ANGPTL4: variants seen among roughly 807,000 people sequenced by gnomAD.
ANGPTL4 encodes the protein angiopoietin like 4, also known as angiopoietin-related protein 4.
Under a neutral mutation model 39.2 loss-of-function variants are expected in ANGPTL4, and 39 were observed. The observed-to-expected ratio is 1.00, with a 90% confidence interval of 0.77 to 1.30. ANGPTL4 has a LOEUF of 1.30. Among genes scored for constraint, ANGPTL4 ranks in the 50% most tolerant of loss-of-function variants. The pLI, the probability that ANGPTL4 is intolerant of heterozygous loss-of-function variation, is 0.00. For synonymous variants in ANGPTL4, 233 were observed against 229.5 expected, an observed-to-expected ratio of 1.02 and a Z score of -0.14; for missense variants, 545 against 549.8, an observed-to-expected ratio of 0.99 and a Z score of 0.09.
At position 8,366,211 on chromosome 19, in the gene ANGPTL4, C is replaced by G. The variant is rs762399326; in HGVS notation, c.439C>G (p.Leu147Val). 1.2e-5 allele frequency: 19 copies of G among 1,614,048 alleles called. No homozygotes were observed. In the East Asian group the frequency reaches 4.2e-4, roughly 36 times the overall value. The change falls in exon 3 of 7, where the codon CTG (leucine) becomes GTG (valine). Residue 147 changes from leucine to valine, a missense_variant. Coordinates refer to ENST00000301455, the MANE Select transcript of ANGPTL4 (RefSeq NM_139314.3). Reference protein sequence around the residue: ...IQHLQSQFGLLDHKHLDHEVA... With the variant: ...IQHLQSQFGLVDHKHLDHEVA... ...TCCCGTCCCATCCTAGTTTGGCCTC[C>G]TGGACCACAAGCACCTAGACCATGA... is the stretch of plus-strand genomic sequence containing the variant.
chr19:8,373,119 A>G (rs1424252689), intron 6 of ANGPTL4, among the ~76,000 whole-genome samples: 1 of 152,058 alleles, frequency 6.6e-6, no homozygotes, highest in African/African-American at 2.4e-5. Context: ...AAATACAAAA[A>G]TTAGGCCAGG....
rs1970961883 is a variant in ANGPTL4 at position 8,364,604 on chromosome 19, A to T, written c.283A>T (p.Ser95Cys). ...CACCGACCTCCCGTTAGCCCCTGAG[A>T]GCCGGGTGGACCCTGAGGTCCTTCA... ...GSTDLPLAPE[S>C]RVDPEVLHSL... Residue 95 changes from serine to cysteine, a missense_variant, in exon 1 of 7, where the codon AGC becomes TGC. Physicochemically the swap from Ser to Cys is moderately radical, Grantham distance 112. Coordinates refer to ENST00000301455, the MANE Select transcript of ANGPTL4 (RefSeq NM_139314.3). 3 of 1,592,874 alleles carry T rather than the reference A, an allele frequency of 1.9e-6. No individual in the cohort carries two copies. Among genetic ancestry groups the T allele is most frequent in the Non-Finnish European group, 2.6e-6 (3 of 1,170,856 alleles).
rs1360464316 is a variant in ANGPTL4 at position 8,372,000 on chromosome 19, T to G, written c.1039+478T>G. ...GTCTCGATCTCCTGACCTCGTGATC[T>G]GCCTGCCTCAGCCTCCCAAAGTGCT... is the stretch of plus-strand genomic sequence containing the variant. On this transcript the variant is annotated intron_variant, in intron 6 of 6. Transcript: ENST00000301455. This position sits in a 1 kb window ranked among gnomAD's most constrained non-coding sequence, Gnocchi z 5.1. Among the ~76,000 whole-genome samples the G allele has an allele frequency of 6.6e-6, 1 of 152,034 alleles. No homozygotes were observed. The highest frequency in any genetic ancestry group is 2.4e-5 in the African/African-American group (1 of 41,396).
chr19:8,371,097 G>A lies in ANGPTL4; in HGVS notation c.703G>A (p.Val235Met), dbSNP rs866158597. 3.7e-6 allele frequency: 6 copies of A among 1,610,046 alleles called. No homozygotes were observed. The African/African-American group carries it at 5.3e-5, about 14-fold the overall frequency. ...TVIQRRHDGS[V>M]DFNRPWEAYK... Reference sequence around the variant, plus strand: ...AATTCAGAGGCGCCACGATGGCTCAGTGGACTTCAACCGGCCCTGGGAAGC... The same window carrying A: ...AATTCAGAGGCGCCACGATGGCTCAATGGACTTCAACCGGCCCTGGGAAGC... The change falls in exon 5 of 7, where the codon GTG (valine) becomes ATG (methionine). Residue 235 changes from valine to methionine, a missense_variant. By Grantham distance (21) the Val-to-Met change is conservative. Transcript: ENST00000301455. This position sits in a 1 kb window ranked among gnomAD's most constrained non-coding sequence, Gnocchi z 5.1.
chr19:8,367,364 G>A (rs1019370091), intron 3 of ANGPTL4, among the ~76,000 whole-genome samples: 2 of 152,166 alleles, frequency 1.3e-5, no homozygotes, highest in African/African-American at 2.4e-5. Flanking sequence ...CTGTGGGTTC[G>A]GGACTCCCAG....
chr19:8,368,018 T>G (rs1971040722), intron 3 of ANGPTL4, among the ~76,000 whole-genome samples: 1 of 127,162 alleles, frequency 7.9e-6, no homozygotes. Flanking sequence ...TATTCATTTA[T>G]CAAGTCTTTT....
At position 8,373,988 on chromosome 19, in the gene ANGPTL4, G is replaced by C; in HGVS notation, c.*102G>C. 1 of 1,345,068 alleles carries C rather than the reference G, an allele frequency of 7.4e-7. No individual in the cohort carries two copies. Among genetic ancestry groups the C allele is most frequent in the South Asian group, 1.2e-5 (1 of 84,212 alleles). 83.3% of individuals were successfully genotyped at this position (1,345,068 alleles called of 1,614,324 possible). On this transcript the variant is annotated 3_prime_UTR_variant, in exon 7 of 7. Coordinates refer to ENST00000301455, the MANE Select transcript of ANGPTL4 (RefSeq NM_139314.3). ...GCCTGGGCAGGGGCTCCAAGGAGGG[G>C]CCATCTGGAAACTTGTGGACAGAGA...
intron 4 of ANGPTL4, among the ~76,000 whole-genome samples, chr19:8,370,015 C>A (rs1971083126): frequency 6.6e-6 from 1 of 151,712 alleles, no homozygotes; most frequent in South Asian, 2.1e-4. Flanking sequence ...CCAGCCTGAC[C>A]AACATGGTGA....
rs1447049510 is a variant in ANGPTL4, at chr19:8,374,008, C to A, written c.*122C>A. The A allele has an allele frequency of 8.7e-7, 1 of 1,149,674 alleles. No homozygotes were observed. Among genetic ancestry groups the A allele is most frequent in the Non-Finnish European group, 1.3e-6 (1 of 787,012 alleles). 71.2% of individuals were successfully genotyped at this position (1,149,674 alleles called of 1,614,324 possible). A position where few individuals can be genotyped will look rare whatever the true frequency, so the allele number is the denominator to read the frequency against. On this transcript the variant is annotated 3_prime_UTR_variant, in exon 7 of 7. Coordinates refer to ENST00000301455, the MANE Select transcript of ANGPTL4 (RefSeq NM_139314.3). ...GAGGGGCCATCTGGAAACTTGTGGA[C>A]AGAGAAGAAGACCACGACTGGAGAA...
In ANGPTL4 at chr19:8,371,443, C is replaced by A; in HGVS notation, c.960C>A (p.Ser320Arg). 3 of 1,613,392 alleles carry A rather than the reference C, an allele frequency of 1.9e-6. No individual in the cohort carries two copies. Among genetic ancestry groups the A allele is most frequent in the East Asian group, 2.2e-5 (1 of 44,866 alleles). The change falls in exon 6 of 7, where the codon AGC (serine) becomes AGA (arginine). Residue 320 changes from serine to arginine, a missense_variant. Coordinates refer to ENST00000301455, the MANE Select transcript of ANGPTL4 (RefSeq NM_139314.3). This position sits in a 1 kb window ranked among gnomAD's most constrained non-coding sequence, Gnocchi z 5.1. ...GQLGATTVPP[S>R]GLSVPFSTWD... ...TGGGCGCCACCACCGTCCCACCCAG[C>A]GGCCTCTCCGTACCCTTCTCCACTT...
In ANGPTL4 at chr19:8,371,364, G is replaced by A; in HGVS notation, c.881G>A (p.Gly294Asp). ...TTGCTGCAGTTCTCCGTGCACCTGGGTGGCGAGGACACGGCCTATAGCCTG... is the reference window on the plus strand; with the variant it reads ...TTGCTGCAGTTCTCCGTGCACCTGGATGGCGAGGACACGGCCTATAGCCTG... ...AELLQFSVHLGGEDTAYSLQL... is the reference protein window; with the variant it reads ...AELLQFSVHLDGEDTAYSLQL... The change falls in exon 6 of 7, where the codon GGT (glycine) becomes GAT (aspartate). Residue 294 changes from glycine (G) to aspartate (D), a missense_variant. Coordinates refer to ENST00000301455, the MANE Select transcript of ANGPTL4 (RefSeq NM_139314.3). The surrounding 1 kb of genome is among the most constrained non-coding windows in gnomAD (Gnocchi z 5.1). 6.2e-7 allele frequency: 1 copy of A among 1,613,672 alleles called. No individual in the cohort carries two copies.
In ANGPTL4 at chr19:8,364,291, C is replaced by T; in HGVS notation, c.-31C>T. On this transcript the variant is annotated 5_prime_UTR_variant, in exon 1 of 7. Coordinates refer to ENST00000301455, the MANE Select transcript of ANGPTL4 (RefSeq NM_139314.3). ...GGAACCCCAACGTCCCCGAGAGTCC[C>T]CGAATCCCCGCTCCCAGGCTACCTA... 2 of 1,530,138 alleles carry T rather than the reference C, an allele frequency of 1.3e-6. No individual in the cohort carries two copies. The highest frequency in any genetic ancestry group is 1.8e-6 in the Non-Finnish European group (2 of 1,141,802). 94.8% of individuals were successfully genotyped at this position (1,530,138 alleles called of 1,614,324 possible). A position where few individuals can be genotyped will look rare whatever the true frequency, so the allele number is the denominator to read the frequency against.
In ANGPTL4 at chr19:8,364,388, G is replaced by A. The variant is rs753864074; in HGVS notation, c.67G>A (p.Ala23Thr). 107 of 1,545,840 alleles carry A rather than the reference G, an allele frequency of 6.9e-5. No homozygotes were observed. Among genetic ancestry groups the A allele is most frequent in the Non-Finnish European group, 8.9e-5 (102 of 1,149,250 alleles). ...CGCCGCCACCGCCGTGCTACTGAGCGCTCAGGGCGGACCCGTGCAGTCCAA... is the reference window on the plus strand; with the variant it reads ...CGCCGCCACCGCCGTGCTACTGAGCACTCAGGGCGGACCCGTGCAGTCCAA... ...LCAATAVLLS[A>T]QGGPVQSKSP... The change falls in exon 1 of 7, where the codon GCT becomes ACT. Residue 23 changes from alanine (A) to threonine (T), a missense_variant. Ala to Thr is a moderately conservative substitution (Grantham distance 58, BLOSUM62 0). Transcript: ENST00000301455.
In ANGPTL4 at chr19:8,367,163, C is replaced by T. The variant is rs114466156; in HGVS notation, c.547+844C>T. Among the ~76,000 whole-genome samples the T allele has an allele frequency of 3.0e-3, 455 of 152,252 alleles. 2 individuals carry two copies. Among genetic ancestry groups the T allele is most frequent in the African/African-American group, 0.01 (426 of 41,562 alleles). ...CCAGCACTGTAGACCTGAGGGTTCT[C>T]TCCTCCCCAAGCTCCCGCTCCTTCC... On this transcript the variant is annotated intron_variant, in intron 3 of 6. Transcript: ENST00000301455.
At chr19:8,369,165 A>ACC (rs368972947) in intron 3 of ANGPTL4, 54 bp from the exon 4 acceptor site, 12 of 1,447,548 alleles carry the variant, frequency 8.3e-6, no homozygotes, top group Middle Eastern at 2.4e-4. Flanking sequence ...GGCTCCTGAG[A>ACC]CCCCCCCCAG....
chr19:8,369,777 T>C (rs759347146), intron 4 of ANGPTL4, among the ~76,000 whole-genome samples: 1 of 152,064 alleles, frequency 6.6e-6, no homozygotes, highest in Non-Finnish European at 1.5e-5. Context: ...ATGCAGCCCT[T>C]GTCTGGGTGT....
Position 8,366,293 on chromosome 19 carries a change from C to T in ANGPTL4, c.521C>T (p.Pro174Leu), listed in dbSNP as rs533599788. The T allele has an allele frequency of 1.2e-4, 190 of 1,614,020 alleles. 1 individual carries two copies. In the South Asian group the frequency reaches 1.3e-3, roughly 11 times the overall value. Residue 174 changes from proline to leucine, a missense_variant, in exon 3 of 7, where the codon CCG becomes CTG. Pro to Leu is a moderately conservative substitution (Grantham distance 98). Coordinates refer to ENST00000301455, the MANE Select transcript of ANGPTL4 (RefSeq NM_139314.3). Reference sequence around the variant, plus strand: ...CCCGAGATGGCCCAGCCAGTTGACCCGGCTCACAATGTCAGCCGCCTGCAC... The same window carrying T: ...CCCGAGATGGCCCAGCCAGTTGACCTGGCTCACAATGTCAGCCGCCTGCAC... ...RLPEMAQPVDPAHNVSRLHRL... is the reference protein window; with the variant it reads ...RLPEMAQPVDLAHNVSRLHRL...
rs1275815586 is a variant in ANGPTL4, at chr19:8,373,933, T to G, written c.*47T>G. On this transcript the variant is annotated 3_prime_UTR_variant, in exon 7 of 7. Transcript: ENST00000301455. Reference sequence around the variant, plus strand: ...CAGGCCCACGAAAGACGGTGACTCTTGGCTCTGCCCGAGGATGTGGCCGTT... The same window carrying G: ...CAGGCCCACGAAAGACGGTGACTCTGGGCTCTGCCCGAGGATGTGGCCGTT... 1 of 1,600,404 alleles carries G rather than the reference T, an allele frequency of 6.2e-7. No individual in the cohort carries two copies. Among genetic ancestry groups the G allele is most frequent in the Non-Finnish European group, 8.5e-7 (1 of 1,171,160 alleles).
intron 4 of ANGPTL4, among the ~76,000 whole-genome samples, chr19:8,370,001 G>A (rs376510163): frequency 4.6e-5 from 7 of 151,702 alleles, no homozygotes; most frequent in African/African-American, 1.2e-4. Context: ...TCAGGAGTTC[G>A]AGACCAGCCT....
Sources: gnomAD v4.1 joint callset for allele counts (sites outside exome capture counted in the v4.1 genomes callset) on GRCh38, gnomAD v4.1.1 for gene constraint, Gnocchi (gnomAD v3.1) non-coding constraint, MANE v1.5 for transcripts, NCBI Gene and HGNC (gene_info 2026-07-23, HGNC 2026-07-21) for gene names.